Variants in TUSC3 observed in about 807,000 individuals in gnomAD.
TUSC3 encodes the protein tumor suppressor candidate 3, also known as dolichyl-diphosphooligosaccharide--protein glycosyltransferase subunit TUSC3.
TUSC3 carries 45 observed loss-of-function variants against 44.8 expected under a neutral mutation model. The observed-to-expected ratio is 1.00, with a 90% CI of 0.79 to 1.29. TUSC3 has a LOEUF of 1.29. Ranked by LOEUF, TUSC3 falls within the 50% of genes most tolerant of loss-of-function variation. The probability of loss-of-function intolerance (pLI) is 0.00; values close to 1 mark genes in which losing one functional copy is unlikely to be tolerated. For missense variants in TUSC3, 519 were observed against 437.9 expected (o/e 1.19, Z -1.65); for synonymous variants, 212 against 152.9 (o/e 1.39, Z -2.85).
chr8:15,475,252 AC>A (rs1397671505), intron 1 of TUSC3, among the ~76,000 whole-genome samples: 1 of 152,148 alleles, frequency 6.6e-6, no homozygotes, highest in African/African-American at 2.4e-5. Flanking sequence ...ACATAGAGAA[AC>A]TTGCCTGAAG....
intron 1 of TUSC3, among the ~76,000 whole-genome samples, chr8:15,451,988 G>A (rs1400324551): frequency 6.6e-6 from 1 of 152,120 alleles, no homozygotes; most frequent in East Asian, 1.9e-4. Context: ...ATAAAAGGCA[G>A]CCAAAAGAGT....
At chr8:15,838,972 G>C in the TUSC3 span, among the ~76,000 whole-genome samples, 2,625 of 152,146 alleles carry the variant, frequency 0.017, 24 homozygotes, top group African/African-American at 0.021. Context: ...TCACGATATT[G>C]ATTCTTCCTA....
intron 6 of TUSC3, among the ~76,000 whole-genome samples, chr8:15,693,109 A>C (rs56137335): frequency 6.6e-6 from 1 of 151,908 alleles, no homozygotes. Context: ...TCTTTATGCA[A>C]CTTGCTTCTT....
At chr8:15,421,887 A>G (rs1799742490) in intron 1 of TUSC3, among the ~76,000 whole-genome samples, 2 of 152,168 alleles carry the variant, frequency 1.3e-5, no homozygotes, top group South Asian at 4.1e-4. Flanking sequence ...ATGGAATGTA[A>G]TAATTATTTG....
the TUSC3 span, among the ~76,000 whole-genome samples, chr8:15,778,267 G>T: frequency 9.2e-5 from 14 of 152,126 alleles, no homozygotes; most frequent in Non-Finnish European, 1.3e-4. Context: ...TCATACTAAC[G>T]TAATCTGACT....
chr8:15,831,145 G>C, the TUSC3 span, among the ~76,000 whole-genome samples: 3 of 152,122 alleles, frequency 2.0e-5, no homozygotes, highest in African/African-American at 7.2e-5. Context: ...CGCAAAACAA[G>C]TCCCCCAGAA....
chr8:15,664,460 T>C (rs1319711300), intron 5 of TUSC3, among the ~76,000 whole-genome samples: 3 of 147,770 alleles, frequency 2.0e-5, no homozygotes, highest in Non-Finnish European at 4.5e-5. Flanking sequence ...TTATTATTAT[T>C]ATTATTATTA....
the TUSC3 span, among the ~76,000 whole-genome samples, chr8:15,797,295 A>T: frequency 6.6e-4 from 100 of 152,272 alleles, no homozygotes; most frequent in Non-Finnish European, 1.1e-3. Flanking sequence ...TGCCCAAGAG[A>T]GGTACATTCT....
At chr8:15,538,336 A>C (rs1159215669), upstream of TUSC3, among the ~76,000 whole-genome samples, 1 of 152,230 alleles carries the variant, frequency 6.6e-6, no homozygotes, top group East Asian at 1.9e-4. Context: ...TTGCTGAAAT[A>C]AGGTGTAAAG....
chr8:15,562,513 G>A, intron 1 of TUSC3, among the ~76,000 whole-genome samples: 1 of 152,144 alleles, frequency 6.6e-6, no homozygotes, highest in East Asian at 1.9e-4. Flanking sequence ...TTATCTCCTA[G>A]TTTCTAGATG....
At chr8:15,531,002 G>C (rs1408300084) in intron 2 of TUSC3, among the ~76,000 whole-genome samples, 2 of 152,122 alleles carry the variant, frequency 1.3e-5, no homozygotes, top group African/African-American at 4.8e-5. Context: ...CACTGGAAAA[G>C]GGAAGAAAGC....
intron 1 of TUSC3, among the ~76,000 whole-genome samples, chr8:15,586,400 G>C (rs1803604785): frequency 6.6e-6 from 1 of 152,128 alleles, no homozygotes; most frequent in Non-Finnish European, 1.5e-5. Flanking sequence ...GGGTGGGATG[G>C]AGAGACCACT....
At chr8:15,460,420 AG>A (rs921605299) in intron 1 of TUSC3, among the ~76,000 whole-genome samples, 7 of 152,054 alleles carry the variant, frequency 4.6e-5, no homozygotes, top group African/African-American at 1.7e-4. Flanking sequence ...AGTTTGTTGT[AG>A]ATTCTGGACA....
At chr8:15,786,721 A>G in the TUSC3 span, among the ~76,000 whole-genome samples, 1 of 152,044 alleles carries the variant, frequency 6.6e-6, no homozygotes, top group East Asian at 1.9e-4. Context: ...GAGGCGGTGG[A>G]TCACGAGGTC....
chr8:15,594,433 T>A (rs1169879746), intron 1 of TUSC3, among the ~76,000 whole-genome samples: 1 of 152,176 alleles, frequency 6.6e-6, no homozygotes, highest in Non-Finnish European at 1.5e-5. Flanking sequence ...TTTGCATGCC[T>A]CAAAATGTTT....
At chr8:15,651,037 C>T (rs1223535527) in intron 3 of TUSC3, 6 of 515,670 alleles carry the variant, frequency 1.2e-5, no homozygotes, top group African/African-American at 1.9e-5. Context: ...ACAATTCATT[C>T]AATAGGTTAG....
chr8:15,482,195 C>T (rs902533269), intron 1 of TUSC3, among the ~76,000 whole-genome samples: 2 of 152,162 alleles, frequency 1.3e-5, no homozygotes, highest in Non-Finnish European at 2.9e-5. Flanking sequence ...TCTCAGGCTC[C>T]ACTTCTAGTT....
At chr8:15,774,028 A>C in the TUSC3 span, among the ~76,000 whole-genome samples, 5 of 152,216 alleles carry the variant, frequency 3.3e-5, no homozygotes, top group Non-Finnish European at 7.3e-5. Flanking sequence ...ACAAGCAACA[A>C]AATAAAAATA....
chr8:15,441,093 A>G (rs1800015088), intron 1 of TUSC3, among the ~76,000 whole-genome samples: 1 of 152,246 alleles, frequency 6.6e-6, no homozygotes, highest in Admixed American at 6.5e-5. Flanking sequence ...TAATAATTAA[A>G]TTAATACTAA....
Sources: allele counts gnomAD v4.1 joint callset (sites outside exome capture counted in the v4.1 genomes callset), GRCh38; gene constraint gnomAD v4.1.1; transcripts MANE v1.5; gene names NCBI Gene and HGNC (gene_info 2026-07-23, HGNC 2026-07-21).